Variants in SGCD observed in about 807,000 individuals in gnomAD.
The protein encoded by SGCD is sarcoglycan delta.
In SGCD, 18 loss-of-function variants were observed where a neutral mutation model predicts 36.6. That is an observed-to-expected ratio of 0.49 (90% CI 0.34 to 0.73). The LOEUF (loss-of-function observed/expected upper bound fraction) is 0.73, where lower values mean the gene tolerates loss of function less well. Among genes scored for constraint, SGCD ranks in the 30% least tolerant of loss-of-function variants. The pLI is 0.01. For synonymous variants in SGCD, 133 were observed against 130.6 expected (o/e 1.02, Z -0.12); for missense variants, 387 against 346.7 (o/e 1.12, Z -0.92).
At chr5:155,930,085 A>G (rs1757072197) in intron 1 of SGCD, among the ~76,000 whole-genome samples, 3 of 152,168 alleles carry the variant, frequency 2.0e-5, no homozygotes, top group East Asian at 1.9e-4. Flanking sequence ...TATGTGATAC[A>G]TATGTCTTCC....
At chr5:156,208,239 G>T (rs1303496842) in intron 3 of SGCD, among the ~76,000 whole-genome samples, 1 of 152,176 alleles carries the variant, frequency 6.6e-6, no homozygotes, top group Non-Finnish European at 1.5e-5. Flanking sequence ...GCCCAGTTTT[G>T]CCTGTCTTCA....
At chr5:156,151,836 T>C (rs552108357) in intron 3 of SGCD, among the ~76,000 whole-genome samples, 1 of 151,470 alleles carries the variant, frequency 6.6e-6, no homozygotes, top group Non-Finnish European at 1.5e-5. Context: ...CTTCTTCTTT[T>C]TTTTTTGGTC....
At chr5:156,495,007 T>A (rs530482088) in intron 3 of SGCD, among the ~76,000 whole-genome samples, 218 of 152,276 alleles carry the variant, frequency 1.4e-3, no homozygotes, top group African/African-American at 4.8e-3. Context: ...GCCTGTGTGA[T>A]GCTCTGGGAA....
the SGCD span, among the ~76,000 whole-genome samples, chr5:155,829,485 A>G: frequency 1.3e-5 from 2 of 152,226 alleles, no homozygotes; most frequent in African/African-American, 2.4e-5. Context: ...AATTTCCCCC[A>G]GACACAATGA....
At chr5:156,679,614 A>C (rs562997237) in intron 7 of SGCD, among the ~76,000 whole-genome samples, 1 of 152,330 alleles carries the variant, frequency 6.6e-6, no homozygotes, top group Non-Finnish European at 1.5e-5. Flanking sequence ...TCCACCAAAA[A>C]GACTACTTAC....
At chr5:156,537,459 CCACACACACACACACACACACACACA>C (rs769070218) in intron 4 of SGCD, among the ~76,000 whole-genome samples, 1 of 125,808 alleles carries the variant, frequency 7.9e-6, no homozygotes, top group Non-Finnish European at 1.7e-5. Flanking sequence ...AAGGTAGCAG[CCACACACACACACACACACACACACA>C]CACACACACA....
intron 2 of SGCD, among the ~76,000 whole-genome samples, chr5:156,120,054 C>T (rs1201398977): frequency 6.6e-6 from 1 of 152,132 alleles, no homozygotes; most frequent in Admixed American, 6.6e-5. Context: ...TATACTTTCT[C>T]ATTTTATTTT....
At chr5:156,010,051 G>A (rs1282139536) in intron 1 of SGCD, among the ~76,000 whole-genome samples, 4 of 152,160 alleles carry the variant, frequency 2.6e-5, no homozygotes, top group African/African-American at 7.2e-5. Context: ...CAAGCTTGAT[G>A]AGTTACTTAA....
chr5:156,426,394 TTTAA>T (rs1477623259), intron 3 of SGCD, among the ~76,000 whole-genome samples: 1 of 152,084 alleles, frequency 6.6e-6, no homozygotes, highest in African/African-American at 2.4e-5. Context: ...ATTCATGTTC[TTTAA>T]TTATTTTTTG....
intron 7 of SGCD, among the ~76,000 whole-genome samples, chr5:156,653,340 G>A (rs1763536322): frequency 6.6e-6 from 1 of 151,824 alleles, no homozygotes; most frequent in African/African-American, 2.4e-5. Flanking sequence ...GTATTTCCAT[G>A]AATTTATCCA....
rs1166651590 is a variant in SGCD, at chr5:156,738,039, T to TA, written c.576-19542_576-19541insA. Among the ~76,000 whole-genome samples, 76 of 152,312 alleles carry TA rather than the reference T, an allele frequency of 5.0e-4. 2 individuals are homozygous for TA. The highest frequency in any genetic ancestry group is 1.8e-3 in the African/African-American group (73 of 41,570). On this transcript the variant is annotated intron_variant, in intron 7 of 8. Transcript: ENST00000337851. ...CATTTGTGAATGTATTACTTTTAAT[T>TA]GCTAATTAAAATAATCAACAGCCTA... is the stretch of plus-strand genomic sequence containing the variant.
At chr5:156,341,403 GA>G (rs1768645547) in intron 2 of SGCD, among the ~76,000 whole-genome samples, 1 of 152,026 alleles carries the variant, frequency 6.6e-6, no homozygotes, top group East Asian at 1.9e-4. Flanking sequence ...ATTACCCTAT[GA>G]AAAAAAGTGA....
chr5:155,937,240 C>T (rs1757226144), intron 1 of SGCD, among the ~76,000 whole-genome samples: 1 of 152,176 alleles, frequency 6.6e-6, no homozygotes, highest in African/African-American at 2.4e-5. Context: ...CCACTGGCTC[C>T]ATAGAGCATG....
chr5:156,285,466 C>T (rs1051675147), intron 3 of SGCD, among the ~76,000 whole-genome samples: 3 of 152,066 alleles, frequency 2.0e-5, no homozygotes, highest in Non-Finnish European at 2.9e-5. Flanking sequence ...GTACTGGTAC[C>T]AAAACAGAGA....
At chr5:155,896,462 C>T (rs1580977603) in intron 1 of SGCD, among the ~76,000 whole-genome samples, 1 of 74,428 alleles carries the variant, frequency 1.3e-5, no homozygotes, top group Non-Finnish European at 2.7e-5. Flanking sequence ...ATGGTGAAAC[C>T]CTGTCTCTAC....
intron 3 of SGCD, among the ~76,000 whole-genome samples, chr5:156,172,331 G>A (rs1763364818): frequency 6.6e-6 from 1 of 152,094 alleles, no homozygotes; most frequent in South Asian, 2.1e-4. Flanking sequence ...AAAATCAGTA[G>A]CTGGTGATGA....
At chr5:155,773,148 C>G in the SGCD span, among the ~76,000 whole-genome samples, 5 of 152,152 alleles carry the variant, frequency 3.3e-5, no homozygotes, top group Non-Finnish European at 7.4e-5. Context: ...GAACTCCCTA[C>G]CCTTGCTCAC....
chr5:156,691,350 G>A lies in SGCD; in HGVS notation c.575+43814G>A, dbSNP rs111912658. On this transcript the variant is annotated intron_variant, in intron 7 of 8. Transcript: ENST00000337851. ...TCCTCAGGCATGCTGGCCATAGTGC[G>A]AGACTCAATAGCTATGTGGCTGCTA... Among the ~76,000 whole-genome samples, 785 of 152,126 alleles carry A rather than the reference G, an allele frequency of 5.2e-3. 11 individuals carry two copies. The highest frequency in any genetic ancestry group is 0.018 in the African/African-American group (749 of 41,506).
chr5:156,306,279 T>C (rs1767210715), intron 3 of SGCD, among the ~76,000 whole-genome samples: 1 of 152,178 alleles, frequency 6.6e-6, no homozygotes, highest in Non-Finnish European at 1.5e-5. Flanking sequence ...TTTCCCATGC[T>C]GTTCTCATGA....
Sources: allele counts gnomAD v4.1 joint callset (sites outside exome capture counted in the v4.1 genomes callset), GRCh38; gene constraint gnomAD v4.1.1; transcripts MANE v1.5; gene names NCBI Gene and HGNC (gene_info 2026-07-23, HGNC 2026-07-21).